FAF2: variants seen among roughly 807,000 people sequenced by gnomAD.
FAF2 encodes FAS-associated factor 2.
FAF2 carries 9 observed loss-of-function variants against 62.3 expected under a neutral mutation model. That is an observed-to-expected ratio of 0.14 (90% CI 0.09 to 0.25). The LOEUF (loss-of-function observed/expected upper bound fraction) is 0.25, where lower values mean the gene tolerates loss of function less well. Among genes scored for constraint, FAF2 ranks in the 10% least tolerant of loss-of-function variants. FAF2 has a pLI of 1.00. For missense variants in FAF2, 368 were observed against 556.2 expected, an observed-to-expected ratio of 0.66 and a Z score of 3.40; for synonymous variants, 202 against 198.0, an observed-to-expected ratio of 1.02 and a Z score of -0.17.
chr5:176,456,914 ATACT>A (rs140389843), intron 1 of FAF2, among the ~76,000 whole-genome samples: 1,996 of 152,316 alleles, frequency 0.013, 20 homozygotes, highest in Non-Finnish European at 0.02. Context: ...AGGTTTTGAC[ATACT>A]TACTCAGTAG....
chr5:176,460,840 T>A (rs1758366211), intron 1 of FAF2, among the ~76,000 whole-genome samples: 1 of 151,838 alleles, frequency 6.6e-6, no homozygotes, highest in Non-Finnish European at 1.5e-5. Context: ...TGGTCCCAGC[T>A]ACTTGGGAGG....
chr5:176,480,312 T>A (rs79239489), intron 2 of FAF2, among the ~76,000 whole-genome samples: 5 of 152,150 alleles, frequency 3.3e-5, no homozygotes, highest in South Asian at 2.1e-4. Context: ...TTTTTTTTTT[T>A]AATAAAATGT....
chr5:176,492,926 A>G (rs2113741797), intron 5 of FAF2, among the ~76,000 whole-genome samples: 1 of 152,366 alleles, frequency 6.6e-6, no homozygotes, highest in South Asian at 2.1e-4. Flanking sequence ...ACAGAATTGA[A>G]TAAGGACATA....
At chr5:176,454,611 A>AAAAAC (rs1758248587) in intron 1 of FAF2, among the ~76,000 whole-genome samples, 1 of 140,226 alleles carries the variant, frequency 7.1e-6, no homozygotes, top group African/African-American at 2.6e-5. Context: ...AAAAAAAAAA[A>AAAAAC]TCTAATAATA....
intron 5 of FAF2, 72 bp downstream of exon 5, chr5:176,492,404 C>T: frequency 6.8e-7 from 1 of 1,462,436 alleles, no homozygotes. Flanking sequence ...CACAGCCCAG[C>T]ACTGATCATG....
chr5:176,489,774 C>T (rs993055951), intron 4 of FAF2, among the ~76,000 whole-genome samples: 5 of 152,090 alleles, frequency 3.3e-5, no homozygotes, highest in African/African-American at 7.2e-5. Flanking sequence ...CTTGAGCTCC[C>T]GGCCTCAAGT....
At position 176,469,932 on chromosome 5, in the gene FAF2, G is replaced by A. The variant is rs1198052663; in HGVS notation, c.64-9256G>A. 2.0e-5 allele frequency among the ~76,000 whole-genome samples: 3 copies of A among 152,120 alleles called. No homozygotes were observed. In the South Asian group the frequency reaches 6.2e-4, roughly 32 times the overall value. The stretch of plus-strand genomic sequence containing the variant: ...ACACAGGTAAGAGAAAATAGAGAAG[G>A]CTCCTCAAACCTTGACTTGTATGTA... On this transcript the variant is annotated intron_variant, in intron 1 of 10. Coordinates refer to ENST00000261942, the MANE Select transcript of FAF2 (RefSeq NM_014613.3).
At position 176,494,612 on chromosome 5, in the gene FAF2, T is replaced by G. The variant is rs1759032684; in HGVS notation, c.661+337T>G. ...CTCTGTCGCCCAGGCTGGAGTGCAGTGGTGCGATCTTGGCTCACTGCAACC... is the reference window on the plus strand; with the variant it reads ...CTCTGTCGCCCAGGCTGGAGTGCAGGGGTGCGATCTTGGCTCACTGCAACC... On this transcript the variant is annotated intron_variant, in intron 7 of 10. Coordinates refer to ENST00000261942, the MANE Select transcript of FAF2 (RefSeq NM_014613.3). The surrounding 1 kb of genome is among the most constrained non-coding windows in gnomAD (Gnocchi z 4.0). Among the ~76,000 whole-genome samples the G allele has an allele frequency of 6.6e-6, 1 of 152,162 alleles. No homozygotes were observed. Among genetic ancestry groups the G allele is most frequent in the African/African-American group, 2.4e-5 (1 of 41,440 alleles).
Position 176,486,360 on chromosome 5 carries a change from T to G in FAF2, c.138T>G (p.Ala46=). ...CACTCCGTTTTCCTTCTCAGGCTGCTGTACAGGACAGATTGAATGAGCAAG... is the reference window on the plus strand; with the variant it reads ...CACTCCGTTTTCCTTCTCAGGCTGCGGTACAGGACAGATTGAATGAGCAAG... ...LEQHNWNIEA[A]VQDRLNEQEG... is the part of the protein sequence containing the mutation. The change falls in exon 3 of 11, where the codon GCT becomes GCG. Residue 46 remains alanine (A), a synonymous_variant. Coordinates refer to ENST00000261942, the MANE Select transcript of FAF2 (RefSeq NM_014613.3). 2 of 1,612,226 alleles carry G rather than the reference T, an allele frequency of 1.2e-6. No homozygotes were observed. The highest frequency in any genetic ancestry group is 1.7e-6 in the Non-Finnish European group (2 of 1,179,458).
intron 7 of FAF2, among the ~76,000 whole-genome samples, chr5:176,495,488 A>T (rs775535727): frequency 6.0e-5 from 9 of 150,554 alleles, no homozygotes; most frequent in Non-Finnish European, 2.9e-5. Flanking sequence ...TTATGGTAAA[A>T]ATCTTGGTCA....
Position 176,479,271 on chromosome 5 carries a change from G to T in FAF2, c.132+15G>T. ...GGAACATAGAGGTATAATAGGATGT[G>T]TTCTGAGCTTATTTCTTTTTCTCTG... On this transcript the variant is annotated intron_variant, in intron 2 of 10. Transcript: ENST00000261942. 1 of 1,602,262 alleles carries T rather than the reference G, an allele frequency of 6.2e-7. No individual in the cohort carries two copies. The highest frequency in any genetic ancestry group is 8.6e-7 in the Non-Finnish European group (1 of 1,169,360).
intron 4 of FAF2, among the ~76,000 whole-genome samples, chr5:176,491,668 A>C (rs2113740829): frequency 6.6e-6 from 1 of 152,298 alleles, no homozygotes; most frequent in South Asian, 2.1e-4. Flanking sequence ...TGATGATAGA[A>C]ACGTTCTGTA....
At chr5:176,470,103 C>T (rs1416852072) in intron 1 of FAF2, among the ~76,000 whole-genome samples, 2 of 152,184 alleles carry the variant, frequency 1.3e-5, no homozygotes, top group Non-Finnish European at 2.9e-5. Context: ...GACCATTAGA[C>T]AGTTTCCCCT....
At chr5:176,455,091 TGTTTA>T (rs1191388075) in intron 1 of FAF2, among the ~76,000 whole-genome samples, 15 of 152,270 alleles carry the variant, frequency 9.9e-5, no homozygotes, top group Non-Finnish European at 1.5e-5. Context: ...AAAAAATTGT[TGTTTA>T]GTTAGGTGTG....
chr5:176,451,809 TAC>T (rs1237369992), intron 1 of FAF2, among the ~76,000 whole-genome samples: 245 of 23,510 alleles, frequency 0.01, 29 homozygotes, highest in African/African-American at 0.046. Context: ...CATATATATA[TAC>T]ACACATATAT....
chr5:176,478,070 C>CT (rs2113731962), intron 1 of FAF2, among the ~76,000 whole-genome samples: 1 of 152,258 alleles, frequency 6.6e-6, no homozygotes, highest in Admixed American at 6.5e-5. Context: ...ATGGTTTTGG[C>CT]TTTTATATTA....
In FAF2 at chr5:176,507,037, A is replaced by T; in HGVS notation, c.*87A>T. The T allele has an allele frequency of 2.4e-6, 2 of 837,456 alleles. No homozygotes were observed. Among genetic ancestry groups the T allele is most frequent in the Non-Finnish European group, 3.3e-6 (2 of 600,352 alleles). 51.9% of individuals were successfully genotyped at this position (837,456 alleles called of 1,614,324 possible). On this transcript the variant is annotated 3_prime_UTR_variant, in exon 11 of 11. Transcript: ENST00000261942. ...CAACAGCAAGTCAGAAAAAAAAAAC[A>T]AGAGAGAGAAATTCATATTATTATT...
At chr5:176,486,316 GC>G (rs1286798621) in intron 2 of FAF2, 38 bp from the exon 3 acceptor site, 3 of 1,607,844 alleles carry the variant, frequency 1.9e-6, no homozygotes, top group Non-Finnish European at 2.5e-6. Context: ...GTTGATTTGA[GC>G]ATCGCTGAAA....
At chr5:176,459,250 CTTTTTTT>C (rs11386560) in intron 1 of FAF2, among the ~76,000 whole-genome samples, 3 of 116,422 alleles carry the variant, frequency 2.6e-5, no homozygotes, top group African/African-American at 6.7e-5. Flanking sequence ...TCCAGTTAAC[CTTTTTTT>C]TTTTTTTTTT....
Sources: gnomAD v4.1 joint callset for allele counts (sites outside exome capture counted in the v4.1 genomes callset) on GRCh38, gnomAD v4.1.1 for gene constraint, Gnocchi (gnomAD v3.1) non-coding constraint, MANE v1.5 for transcripts, NCBI Gene and HGNC (gene_info 2026-07-23, HGNC 2026-07-21) for gene names.